Variants in CALN1 observed in about 807,000 individuals in gnomAD.
CALN1 encodes the protein calneuron 1, also known as calcium-binding protein 8.
Under a neutral mutation model 30.6 loss-of-function variants are expected in CALN1, and 17 were observed. That is an observed-to-expected ratio of 0.56 (90% CI 0.38 to 0.83). The LOEUF is 0.83. Ranked by LOEUF, CALN1 falls within the 40% of genes least tolerant of loss-of-function variation. CALN1 has a pLI of 0.00. For missense variants in CALN1, 291 were observed against 354.9 expected, an observed-to-expected ratio of 0.82 and a Z score of 1.45; for synonymous variants, 156 against 131.4, an observed-to-expected ratio of 1.19 and a Z score of -1.28.
intron 4 of CALN1, among the ~76,000 whole-genome samples, chr7:72,040,802 C>T (rs1802078630): frequency 6.6e-6 from 1 of 152,240 alleles, no homozygotes. Flanking sequence ...AAAAAGTGGT[C>T]ATGTGCAAGA....
chr7:72,384,646 GA>G (rs945825656), intron 2 of CALN1, among the ~76,000 whole-genome samples: 10 of 145,160 alleles, frequency 6.9e-5, no homozygotes, highest in African/African-American at 1.0e-4. Context: ...CCCGTCTCAA[GA>G]AAAAAAAAAG....
the CALN1 span, among the ~76,000 whole-genome samples, chr7:72,503,405 G>A: frequency 1.3e-5 from 2 of 151,944 alleles, no homozygotes; most frequent in Non-Finnish European, 1.5e-5. Flanking sequence ...TGGTGCTCTC[G>A]GGGGTATTTG....
chr7:72,320,268 C>T (rs1040658052), intron 2 of CALN1, among the ~76,000 whole-genome samples: 11 of 152,170 alleles, frequency 7.2e-5, no homozygotes, highest in African/African-American at 2.2e-4. Flanking sequence ...CCCCAGCCTA[C>T]GACCTTGCAA....
chr7:72,412,880 G>A (rs1377449441), upstream of CALN1, among the ~76,000 whole-genome samples: 1 of 152,192 alleles, frequency 6.6e-6, no homozygotes, highest in Non-Finnish European at 1.5e-5. Context: ...AGACCATGGA[G>A]GCCACAGCCC....
Position 71,939,400 on chromosome 7 carries a change from A to T in CALN1, c.501+84257T>A, listed in dbSNP as rs367975086. Among the ~76,000 whole-genome samples the T allele has an allele frequency of 2.2e-3, 263 of 121,158 alleles. 1 individual carries two copies. Among genetic ancestry groups the T allele is most frequent in the African/African-American group, 7.0e-3 (244 of 34,890 alleles). The allele number at this position is 121,158 out of a possible 152,430, so 79.5% of individuals were successfully genotyped here. On this transcript the variant is annotated intron_variant, in intron 5 of 6. Transcript: ENST00000395275. ...TGGTGAAACCCCACCTCTACTAAAA[A>T]TACAAAAAAAAAAAAAAAAAAAGTT... is the stretch of plus-strand genomic sequence containing the variant.
At chr7:72,306,846 T>C (rs1799688619) in intron 2 of CALN1, among the ~76,000 whole-genome samples, 1 of 152,128 alleles carries the variant, frequency 6.6e-6, no homozygotes, top group Non-Finnish European at 1.5e-5. Flanking sequence ...CTTGAGGGCT[T>C]TGTCTCGGGC....
intron 3 of CALN1, among the ~76,000 whole-genome samples, chr7:72,226,243 C>T (rs1793670815): frequency 6.6e-6 from 1 of 151,754 alleles, no homozygotes; most frequent in South Asian, 2.1e-4. Context: ...GAAAATCTGT[C>T]TCAAAATAAT....
intron 3 of CALN1, among the ~76,000 whole-genome samples, chr7:72,242,504 C>G (rs1794906765): frequency 1.3e-5 from 2 of 152,140 alleles, no homozygotes; most frequent in African/African-American, 4.8e-5. Flanking sequence ...CTGGAAATGT[C>G]AGGTTTTTAC....
At chr7:71,861,735 C>T (rs749797987) in intron 5 of CALN1, among the ~76,000 whole-genome samples, 2 of 132,880 alleles carry the variant, frequency 1.5e-5, no homozygotes, top group Non-Finnish European at 3.1e-5. Context: ...GCCCAGGTCA[C>T]ACCACTGCAC....
the CALN1 span, among the ~76,000 whole-genome samples, chr7:72,481,166 G>C: frequency 6.6e-6 from 1 of 152,154 alleles, no homozygotes; most frequent in East Asian, 1.9e-4. Flanking sequence ...TGTCCAGGCT[G>C]GTCTCAAACT....
chr7:72,075,578 T>C (rs1045813501), intron 4 of CALN1, among the ~76,000 whole-genome samples: 2 of 152,038 alleles, frequency 1.3e-5, no homozygotes, highest in Non-Finnish European at 2.9e-5. Context: ...AGTAAACACT[T>C]TGTGGGAAAT....
intron 6 of CALN1, among the ~76,000 whole-genome samples, chr7:71,796,963 T>C (rs977611677): frequency 2.7e-5 from 4 of 145,940 alleles, no homozygotes; most frequent in African/African-American, 1.1e-4. Flanking sequence ...GACTGTTTCT[T>C]TCCCTCTCTT....
chr7:72,052,830 G>A (rs1378492957), intron 4 of CALN1, among the ~76,000 whole-genome samples: 1 of 152,186 alleles, frequency 6.6e-6, no homozygotes, highest in Non-Finnish European at 1.5e-5. Flanking sequence ...AGAAGACTTA[G>A]GTAAGAACTT....
chr7:71,846,212 C>T (rs1168662154), intron 5 of CALN1, among the ~76,000 whole-genome samples: 1 of 152,158 alleles, frequency 6.6e-6, no homozygotes, highest in Non-Finnish European at 1.5e-5. Context: ...GCGAAACACA[C>T]TTCTCATTGA....
intron 3 of CALN1, among the ~76,000 whole-genome samples, chr7:72,270,038 C>G (rs1361211046): frequency 6.6e-6 from 1 of 151,544 alleles, no homozygotes; most frequent in Non-Finnish European, 1.5e-5. Context: ...GAAATGGGAA[C>G]TATAAAAAAG....
At chr7:72,320,248 C>A (rs923958774) in intron 2 of CALN1, among the ~76,000 whole-genome samples, 8 of 152,162 alleles carry the variant, frequency 5.3e-5, no homozygotes, top group Admixed American at 4.6e-4. Context: ...GCTAGGACGG[C>A]GGGCTAGGAC....
At chr7:72,263,697 C>A (rs577225945) in intron 3 of CALN1, among the ~76,000 whole-genome samples, 1 of 152,204 alleles carries the variant, frequency 6.6e-6, no homozygotes, top group South Asian at 2.1e-4. Flanking sequence ...ATTACAGGCA[C>A]GAGCCACCAT....
chr7:72,345,846 A>G (rs1457898160), intron 2 of CALN1, among the ~76,000 whole-genome samples: 1 of 152,200 alleles, frequency 6.6e-6, no homozygotes, highest in Non-Finnish European at 1.5e-5. Context: ...TGAAAAGTTA[A>G]ATCTCTCTGA....
chr7:72,463,521 C>T, the CALN1 span, among the ~76,000 whole-genome samples: 1 of 152,120 alleles, frequency 6.6e-6, no homozygotes, highest in South Asian at 2.1e-4. Flanking sequence ...GTACTCCCCC[C>T]AACATTGGAG....
Sources: allele counts gnomAD v4.1 joint callset (sites outside exome capture counted in the v4.1 genomes callset), GRCh38; gene constraint gnomAD v4.1.1; transcripts MANE v1.5; gene names NCBI Gene and HGNC (gene_info 2026-07-23, HGNC 2026-07-21).